Variants in CADM1 observed in about 807,000 individuals in gnomAD.
CADM1 encodes the protein cell adhesion molecule 1, also known as TSLC-1.
CADM1 carries 15 observed loss-of-function variants against 53.1 expected under a neutral mutation model. That is an observed-to-expected ratio of 0.28 (90% CI 0.19 to 0.44). CADM1 has a LOEUF of 0.44. Among genes scored for constraint, CADM1 ranks in the 20% least tolerant of loss-of-function variants. The pLI is 1.00. For synonymous variants in CADM1, 281 were observed against 243.0 expected (o/e 1.16, Z -1.45); for missense variants, 434 against 611.3 (o/e 0.71, Z 3.06).
chr11:115,193,234 T>C (rs1045897780), intron 9 of CADM1, among the ~76,000 whole-genome samples: 11 of 152,360 alleles, frequency 7.2e-5, no homozygotes, highest in African/African-American at 2.6e-4. Flanking sequence ...AGTGGGAAAT[T>C]ACTTCTTGTG....
At chr11:115,181,076 C>A (rs1939287177) in intron 10 of CADM1, among the ~76,000 whole-genome samples, 1 of 149,984 alleles carries the variant, frequency 6.7e-6, no homozygotes. Flanking sequence ...CAGTTCTAAC[C>A]CATCTAGGGG....
intron 1 of CADM1, among the ~76,000 whole-genome samples, chr11:115,350,170 C>T (rs1347459325): frequency 6.6e-6 from 1 of 152,154 alleles, no homozygotes; most frequent in South Asian, 2.1e-4. Context: ...GGGGTTTCTC[C>T]ACGTTGGTCA....
chr11:115,253,622 A>G (rs961460726), intron 1 of CADM1, among the ~76,000 whole-genome samples: 1 of 152,232 alleles, frequency 6.6e-6, no homozygotes, highest in Non-Finnish European at 1.5e-5. Flanking sequence ...GTAATTGATG[A>G]CTGACAGTAG....
chr11:115,394,937 A>T lies in CADM1; in HGVS notation c.124+109334T>A, dbSNP rs1464121252. ...AGAAAGGGAAAAATTCGTGGGTCAG[A>T]GATTGATTACTTTTATAGCATGTTC... On this transcript the variant is annotated intron_variant, in intron 1 of 11. Coordinates refer to ENST00000331581, the MANE Select transcript of CADM1 (RefSeq NM_001301043.2). 3.9e-5 allele frequency among the ~76,000 whole-genome samples: 6 copies of T among 152,322 alleles called. No individual in the cohort carries two copies. In the East Asian group the frequency reaches 9.6e-4, roughly 24 times the overall value.
intron 1 of CADM1, among the ~76,000 whole-genome samples, chr11:115,307,506 AG>A (rs1158802880): frequency 1.2e-5 from 1 of 84,594 alleles, no homozygotes; most frequent in Non-Finnish European, 2.1e-5. Context: ...TATTTAAGCC[AG>A]GAAAAAAAAA....
chr11:115,241,215 G>A (rs1016111976), intron 1 of CADM1, among the ~76,000 whole-genome samples: 9 of 152,158 alleles, frequency 5.9e-5, no homozygotes, highest in Non-Finnish European at 1.2e-4. Flanking sequence ...ATTAGTGACG[G>A]CAGCCTGGGC....
At position 115,308,425 on chromosome 11, in the gene CADM1, G is replaced by A. The variant is rs549359752; in HGVS notation, c.125-68005C>T. ...TAGATGCTTCATATATACAGAAATT[G>A]TAACCACTGTTAATTCTTTATCTGT... On this transcript the variant is annotated intron_variant, in intron 1 of 11. Transcript: ENST00000331581. Among the ~76,000 whole-genome samples, 3 of 151,928 alleles carry A rather than the reference G, an allele frequency of 2.0e-5. No homozygotes were observed. The South Asian group carries it at 6.2e-4, about 32-fold the overall frequency.
At chr11:115,353,455 T>C (rs1016786158) in intron 1 of CADM1, among the ~76,000 whole-genome samples, 2 of 152,038 alleles carry the variant, frequency 1.3e-5, no homozygotes, top group Non-Finnish European at 2.9e-5. Context: ...TATTTAAACT[T>C]AAGTTTAATT....
intron 1 of CADM1, among the ~76,000 whole-genome samples, chr11:115,244,612 G>A (rs1942350303): frequency 6.6e-6 from 1 of 152,306 alleles, no homozygotes; most frequent in Admixed American, 6.5e-5. Flanking sequence ...ATTCAGCTAA[G>A]TGGCCAAGCT....
At chr11:115,373,238 A>G (rs569749650) in intron 1 of CADM1, among the ~76,000 whole-genome samples, 2 of 152,258 alleles carry the variant, frequency 1.3e-5, no homozygotes, top group African/African-American at 4.8e-5. Flanking sequence ...GCACAGACCA[A>G]TGAGTTAAAC....
chr11:115,255,790 G>T (rs1942765808), intron 1 of CADM1, among the ~76,000 whole-genome samples: 1 of 152,198 alleles, frequency 6.6e-6, no homozygotes, highest in Non-Finnish European at 1.5e-5. Context: ...AAAATCAATA[G>T]GAAACTGAAT....
intron 1 of CADM1, among the ~76,000 whole-genome samples, chr11:115,317,152 C>A (rs1944688847): frequency 6.6e-6 from 1 of 152,116 alleles, no homozygotes; most frequent in Non-Finnish European, 1.5e-5. Context: ...GCATCTAGGT[C>A]TTCTTCATAA....
chr11:115,322,900 T>A (rs1317640729), intron 1 of CADM1, among the ~76,000 whole-genome samples: 1 of 152,152 alleles, frequency 6.6e-6, no homozygotes, highest in Non-Finnish European at 1.5e-5. Context: ...AATATAATAT[T>A]CATGTACATG....
At chr11:115,386,606 T>A (rs1946704087) in intron 1 of CADM1, among the ~76,000 whole-genome samples, 1 of 151,222 alleles carries the variant, frequency 6.6e-6, no homozygotes, top group African/African-American at 2.4e-5. Flanking sequence ...CAGATCTCTC[T>A]TCCGCTTCTT....
chr11:115,189,136 G>A (rs1372527112), intron 10 of CADM1, among the ~76,000 whole-genome samples: 1 of 152,060 alleles, frequency 6.6e-6, no homozygotes, highest in Admixed American at 6.5e-5. Flanking sequence ...GTGGGGGAGG[G>A]GGACAACATA....
intron 1 of CADM1, among the ~76,000 whole-genome samples, chr11:115,499,092 T>C (rs999920824): frequency 1.3e-5 from 2 of 152,080 alleles, no homozygotes; most frequent in African/African-American, 2.4e-5. Context: ...AAATAAAACT[T>C]TTTTTTCTTT....
At chr11:115,426,202 A>G in intron 1 of CADM1, among the ~76,000 whole-genome samples, 1 of 152,208 alleles carries the variant, frequency 6.6e-6, no homozygotes, top group East Asian at 1.9e-4. Context: ...ATCCTACATG[A>G]TTAGTGGATG....
intron 1 of CADM1, among the ~76,000 whole-genome samples, chr11:115,460,991 T>C (rs1261304844): frequency 2.0e-5 from 3 of 152,126 alleles, no homozygotes. Context: ...AGATCTTTAG[T>C]AGGAAGAGAT....
chr11:115,377,059 T>TA (rs532476117), intron 1 of CADM1: 73 of 152,290 alleles, frequency 4.8e-4, no homozygotes, highest in African/African-American at 1.7e-3. Context: ...AATAATACCA[T>TA]AAACCATCAT....
Sources: gnomAD v4.1 joint callset for allele counts (sites outside exome capture counted in the v4.1 genomes callset) on GRCh38, gnomAD v4.1.1 for gene constraint, MANE v1.5 for transcripts, NCBI Gene and HGNC (gene_info 2026-07-23, HGNC 2026-07-21) for gene names.